The following SYT13 variants were observed in gnomAD, a reference collection of about 807,000 sequenced individuals.
SYT13 encodes synaptotagmin 13.
A neutral mutation model predicts 38.6 loss-of-function variants in SYT13; 21 were observed. The ratio of observed to expected loss-of-function variants is 0.54; its 90% CI spans 0.39 to 0.78. The LOEUF (loss-of-function observed/expected upper bound fraction) is 0.78. Ranked by LOEUF, SYT13 falls within the 30% of genes least tolerant of loss-of-function variation. The pLI is 0.00. For synonymous variants in SYT13, 241 were observed against 237.6 expected, an observed-to-expected ratio of 1.01 and a Z score of -0.13; for missense variants, 495 against 548.7, an observed-to-expected ratio of 0.90 and a Z score of 0.98.
At chr11:45,258,092 T>C (rs1854770144) in intron 1 of SYT13, among the ~76,000 whole-genome samples, 1 of 152,158 alleles carries the variant, frequency 6.6e-6, no homozygotes, top group South Asian at 2.1e-4. Context: ...CTGACTTCGG[T>C]GGAGTGAAGT....
chr11:45,255,418 C>G (rs937629414), intron 2 of SYT13, among the ~76,000 whole-genome samples: 1 of 152,180 alleles, frequency 6.6e-6, no homozygotes, highest in African/African-American at 2.4e-5. Flanking sequence ...CTCATAGTTG[C>G]ACACATATGA....
chr11:45,262,397 G>A (rs568466588), intron 1 of SYT13, among the ~76,000 whole-genome samples: 6 of 152,232 alleles, frequency 3.9e-5, no homozygotes, highest in African/African-American at 1.4e-4. Context: ...GATGGATGGT[G>A]GTGATGTTTG....
Position 45,243,957 on chromosome 11 carries a change from GT to G in SYT13, c.*94del. The G allele has an allele frequency of 1.5e-6, 2 of 1,317,378 alleles. No individual in the cohort carries two copies. The highest frequency in any genetic ancestry group is 2.1e-6 in the Non-Finnish European group (2 of 963,420). 81.6% of individuals were successfully genotyped at this position (1,317,378 alleles called of 1,614,324 possible). A position where few individuals can be genotyped will look rare whatever the true frequency, so the allele number is the denominator to read the frequency against. On this transcript the variant is annotated 3_prime_UTR_variant, in exon 6 of 6. Coordinates refer to ENST00000020926, the MANE Select transcript of SYT13 (RefSeq NM_020826.3). ...CAGCCTTGCAAACACATCTGTCACT[GT>G]CTTCTGGGTGTCAGAATGAGGAAAG...
At chr11:45,279,938 T>G (rs1189873886) in intron 1 of SYT13, among the ~76,000 whole-genome samples, 1 of 152,178 alleles carries the variant, frequency 6.6e-6, no homozygotes, top group Non-Finnish European at 1.5e-5. Flanking sequence ...AAAATTCTAC[T>G]TTAGGCTGAA....
intron 1 of SYT13, among the ~76,000 whole-genome samples, chr11:45,276,965 C>A (rs1855018725): frequency 6.6e-6 from 1 of 152,146 alleles, no homozygotes; most frequent in African/African-American, 2.4e-5. Flanking sequence ...CTTAGCAGTA[C>A]TATTCACAAT....
At chr11:45,257,190 G>A (rs2135894262) in intron 1 of SYT13, among the ~76,000 whole-genome samples, 1 of 152,168 alleles carries the variant, frequency 6.6e-6, no homozygotes, top group Admixed American at 6.5e-5. Context: ...AAGTATATGG[G>A]GCTCCTCACA....
chr11:45,260,575 T>A (rs1169297292), intron 1 of SYT13, among the ~76,000 whole-genome samples: 3 of 152,028 alleles, frequency 2.0e-5, no homozygotes, highest in Non-Finnish European at 4.4e-5. Context: ...GGACTTAGAA[T>A]CAGATATTCT....
intron 4 of SYT13, among the ~76,000 whole-genome samples, chr11:45,249,815 C>T (rs1179204228): frequency 2.6e-5 from 4 of 152,062 alleles, no homozygotes; most frequent in African/African-American, 9.7e-5. Flanking sequence ...AGTTGATGAG[C>T]GCAGCAAACC....
chr11:45,280,269 C>T (rs1046946747), intron 1 of SYT13, among the ~76,000 whole-genome samples: 1 of 152,226 alleles, frequency 6.6e-6, no homozygotes. Flanking sequence ...ATGGTCTTAA[C>T]GTCCCAATCC....
intron 4 of SYT13, 135 bp from the exon 5 acceptor site, chr11:45,246,647 T>G: frequency 7.8e-7 from 1 of 1,284,752 alleles, no homozygotes. Flanking sequence ...CCGTCAATGC[T>G]GGGGTGTCCA....
Position 45,244,364 on chromosome 11 carries a change from G to A in SYT13, c.977-8C>T. ...TCACCTTGACAGAGACATCTGGGGA[G>A]GGGCAGAGGGGAAAAAGAGACAGAG... On this transcript the variant is annotated splice_polypyrimidine_tract_variant and splice_region_variant and intron_variant, in intron 5 of 5. Transcript: ENST00000020926. The A allele has an allele frequency of 1.2e-6, 2 of 1,607,890 alleles. No homozygotes were observed. The highest frequency in any genetic ancestry group is 1.7e-6 in the Non-Finnish European group (2 of 1,175,988).
intron 1 of SYT13, among the ~76,000 whole-genome samples, chr11:45,285,365 G>T (rs76948023): frequency 9.2e-5 from 14 of 152,282 alleles, no homozygotes; most frequent in African/African-American, 2.2e-4. Context: ...AGACATCTTG[G>T]GGGAGGCCAT....
At chr11:45,256,411 T>C (rs1854747839) in intron 1 of SYT13, among the ~76,000 whole-genome samples, 1 of 152,202 alleles carries the variant, frequency 6.6e-6, no homozygotes, top group East Asian at 1.9e-4. Flanking sequence ...CAGCTTGGGC[T>C]CTTTCCTTGG....
rs181525446 is a variant in SYT13 at position 45,241,074 on chromosome 11, A to C, written c.*2978T>G. On this transcript the variant is annotated 3_prime_UTR_variant, in exon 6 of 6. Coordinates refer to ENST00000020926, the MANE Select transcript of SYT13 (RefSeq NM_020826.3). ...AAAGCAGAGCAATTATATTCTCTTC[A>C]TCTGTTGATTACATTTACATGGAGA... 5.3e-5 allele frequency: 8 copies of C among 152,374 alleles called. No homozygotes were observed. The highest frequency in any genetic ancestry group is 1.9e-4 in the African/African-American group (8 of 41,590). The allele number at this position is 152,374 out of a possible 1,614,324, so 9.4% of individuals were successfully genotyped here.
At chr11:45,247,683 C>T (rs951816167) in intron 4 of SYT13, among the ~76,000 whole-genome samples, 14 of 152,268 alleles carry the variant, frequency 9.2e-5, no homozygotes, top group South Asian at 2.1e-4. Context: ...GGGTTGAAAT[C>T]GGTTTTTCTT....
At position 45,252,008 on chromosome 11, in the gene SYT13, G is replaced by A. The variant is rs2135889575; in HGVS notation, c.846+413C>T. ...TGTCCCCTAGTCTGTACACTCCTGA[G>A]TGGTGGGGCTCCACCCTTCATGCTC... On this transcript the variant is annotated intron_variant, in intron 4 of 5. Transcript: ENST00000020926. This position sits in a 1 kb window ranked among gnomAD's most constrained non-coding sequence, Gnocchi z 4.3. 6.6e-6 allele frequency among the ~76,000 whole-genome samples: 1 copy of A among 152,338 alleles called. No individual in the cohort carries two copies. The highest frequency in any genetic ancestry group is 2.1e-4 in the South Asian group (1 of 4,828).
intron 1 of SYT13, among the ~76,000 whole-genome samples, chr11:45,269,736 A>G (rs1590525546): frequency 6.6e-6 from 1 of 152,242 alleles, no homozygotes; most frequent in East Asian, 1.9e-4. Context: ...CCCCAAAGCT[A>G]GTGCTACTAA....
intron 1 of SYT13, among the ~76,000 whole-genome samples, chr11:45,256,173 A>T (rs1336976274): frequency 2.0e-5 from 3 of 152,058 alleles, no homozygotes; most frequent in African/African-American, 7.2e-5. Flanking sequence ...GACCTGCTGC[A>T]GGTGGTCCCC....
In SYT13 at chr11:45,252,585, G is replaced by T; in HGVS notation, c.682C>A (p.Pro228Thr). 2 of 1,614,154 alleles carry T rather than the reference G, an allele frequency of 1.2e-6. No individual in the cohort carries two copies. Among genetic ancestry groups the T allele is most frequent in the East Asian group, 2.2e-5 (1 of 44,872 alleles). Residue 228 changes from proline to threonine, a missense_variant, in exon 4 of 6, where the codon CCC (proline) becomes ACC (threonine). By Grantham distance (38) the Pro-to-Thr change is conservative. Coordinates refer to ENST00000020926, the MANE Select transcript of SYT13 (RefSeq NM_020826.3). This position sits in a 1 kb window ranked among gnomAD's most constrained non-coding sequence, Gnocchi z 4.3. ...GTGGGGAGCTCCTCCTCCGCCAGGG[G>T]GAGCACCAGGCCCTCCTCCCAGGTG... ...HTTWEEGLVL[P>T]LAEEELPTAT...
Sources: gnomAD v4.1 joint callset for allele counts (sites outside exome capture counted in the v4.1 genomes callset) on GRCh38, gnomAD v4.1.1 for gene constraint, Gnocchi (gnomAD v3.1) non-coding constraint, MANE v1.5 for transcripts, NCBI Gene and HGNC (gene_info 2026-07-23, HGNC 2026-07-21) for gene names.